CPA6: variants seen among roughly 807,000 people sequenced by gnomAD.
CPA6 encodes the protein carboxypeptidase B.
In CPA6, 58 loss-of-function variants were observed where a neutral mutation model predicts 63.3. That is an observed-to-expected ratio of 0.92 (90% confidence interval 0.74 to 1.14). CPA6 has a LOEUF of 1.14. CPA6 is among the 50% of genes most tolerant of loss of function. The pLI, the probability that CPA6 is intolerant of heterozygous loss-of-function variation, is 0.00. For missense variants in CPA6, 565 were observed against 526.6 expected (o/e 1.07, Z -0.71); for synonymous variants, 185 against 179.0 (o/e 1.03, Z -0.27).
chr8:67,595,104 G>A (rs1031621019), intron 2 of CPA6, among the ~76,000 whole-genome samples: 71 of 152,270 alleles, frequency 4.7e-4, no homozygotes, highest in Middle Eastern at 3.4e-3. Flanking sequence ...TAACAGACAG[G>A]ACCCTCAGCT....
chr8:67,542,461 G>C (rs1812726944), intron 2 of CPA6, among the ~76,000 whole-genome samples: 1 of 152,200 alleles, frequency 6.6e-6, no homozygotes, highest in Admixed American at 6.5e-5. Context: ...AGGATTTGTG[G>C]ACAGGTACTC....
At chr8:67,526,175 A>G (rs1812359409) in intron 2 of CPA6, among the ~76,000 whole-genome samples, 1 of 152,174 alleles carries the variant, frequency 6.6e-6, no homozygotes, top group South Asian at 2.1e-4. Flanking sequence ...GGTTTAAGGA[A>G]CTGAGGTTTT....
intron 6 of CPA6, among the ~76,000 whole-genome samples, chr8:67,496,802 G>A: frequency 6.6e-6 from 1 of 151,526 alleles, no homozygotes; most frequent in East Asian, 1.9e-4. Flanking sequence ...CTCATGATCT[G>A]CCCACCTTGG....
intron 8 of CPA6, among the ~76,000 whole-genome samples, chr8:67,461,207 G>C (rs1184413459): frequency 7.0e-6 from 1 of 142,172 alleles, no homozygotes; most frequent in South Asian, 2.4e-4. Flanking sequence ...AGGACCCTGC[G>C]GCCTTCCGCA....
chr8:67,505,615 G>C (rs1811911229), intron 6 of CPA6, among the ~76,000 whole-genome samples: 1 of 152,074 alleles, frequency 6.6e-6, no homozygotes, highest in Non-Finnish European at 1.5e-5. Context: ...TTTTGCATTT[G>C]TCCTAGCAGG....
At chr8:67,589,898 TTA>T (rs1377471797) in intron 2 of CPA6, among the ~76,000 whole-genome samples, 1 of 151,858 alleles carries the variant, frequency 6.6e-6, no homozygotes, top group African/African-American at 2.4e-5. Flanking sequence ...ATTATTATTA[TTA>T]TATTACACTT....
At chr8:67,464,128 C>G (rs1024445249) in intron 8 of CPA6, among the ~76,000 whole-genome samples, 2 of 152,194 alleles carry the variant, frequency 1.3e-5, no homozygotes, top group African/African-American at 4.8e-5. Flanking sequence ...ACATTCCCAC[C>G]ACCAGTGTAT....
At chr8:67,711,686 T>TACACACACACAC (rs5892094) in intron 1 of CPA6, among the ~76,000 whole-genome samples, 211 of 133,952 alleles carry the variant, frequency 1.6e-3, no homozygotes, top group African/African-American at 6.0e-3. Context: ...TATGCCTGTG[T>TACACACACACAC]ACACACACAC....
chr8:67,525,141 A>G (rs755574774), intron 2 of CPA6, among the ~76,000 whole-genome samples: 4 of 152,182 alleles, frequency 2.6e-5, no homozygotes, highest in Non-Finnish European at 5.9e-5. Flanking sequence ...TCTGTGAACC[A>G]AAGGTTCAGG....
chr8:67,660,185 G>A (rs1420552872), intron 1 of CPA6, among the ~76,000 whole-genome samples: 3 of 152,106 alleles, frequency 2.0e-5, no homozygotes, highest in African/African-American at 7.2e-5. Context: ...ATTCACTATG[G>A]CAGCATAAAT....
At chr8:67,478,389 G>A (rs777059896) in intron 8 of CPA6, among the ~76,000 whole-genome samples, 15 of 152,216 alleles carry the variant, frequency 9.9e-5, no homozygotes, top group Non-Finnish European at 1.8e-4. Flanking sequence ...GTAGCAGATC[G>A]AATTGAAAGA....
chr8:67,461,707 C>T (rs1340721880), intron 8 of CPA6, among the ~76,000 whole-genome samples: 2 of 151,932 alleles, frequency 1.3e-5, no homozygotes, highest in Non-Finnish European at 2.9e-5. Flanking sequence ...CCCCCACTTC[C>T]CTCCCGGATG....
intron 1 of CPA6, among the ~76,000 whole-genome samples, chr8:67,704,693 C>T (rs1817095576): frequency 6.6e-6 from 1 of 152,106 alleles, no homozygotes; most frequent in South Asian, 2.1e-4. Flanking sequence ...TGAGATGGGA[C>T]CAAAGTTAAG....
intron 2 of CPA6, among the ~76,000 whole-genome samples, chr8:67,607,173 T>C (rs1211632811): frequency 3.9e-4 from 2 of 5,192 alleles, no homozygotes; most frequent in African/African-American, 2.0e-3. Flanking sequence ...TTCTTCCTCT[T>C]CTTCTTCTTC....
At chr8:67,565,097 A>C (rs1223456260) in intron 2 of CPA6, among the ~76,000 whole-genome samples, 1 of 152,156 alleles carries the variant, frequency 6.6e-6, no homozygotes. Context: ...AATATATTGG[A>C]TAATGGAGAG....
chr8:67,508,786 A>G (rs1020024019), intron 5 of CPA6, among the ~76,000 whole-genome samples: 4 of 152,192 alleles, frequency 2.6e-5, no homozygotes, highest in African/African-American at 9.7e-5. Context: ...ATAGAGAGCT[A>G]TAGGTCAGTA....
At chr8:67,630,225 G>A (rs1477294655) in intron 1 of CPA6, among the ~76,000 whole-genome samples, 1 of 151,914 alleles carries the variant, frequency 6.6e-6, no homozygotes, top group East Asian at 1.9e-4. Flanking sequence ...TGCAGCTCAG[G>A]ACACAAAGTG....
intron 1 of CPA6, among the ~76,000 whole-genome samples, chr8:67,651,338 A>G (rs1377459032): frequency 6.6e-6 from 1 of 152,214 alleles, no homozygotes. Context: ...TTTTGAGTAG[A>G]AATGGCTTTA....
At chr8:67,593,350 A>G (rs1225549206) in intron 2 of CPA6, among the ~76,000 whole-genome samples, 1 of 151,804 alleles carries the variant, frequency 6.6e-6, no homozygotes, top group African/African-American at 2.4e-5. Context: ...GCTGAAAAAA[A>G]TGTATATTCT....
Sources: allele counts gnomAD v4.1 joint callset (sites outside exome capture counted in the v4.1 genomes callset), GRCh38; gene constraint gnomAD v4.1.1; transcripts MANE v1.5; gene names NCBI Gene and HGNC (gene_info 2026-07-23, HGNC 2026-07-21).